The following DUSP4 variants were observed in gnomAD, a reference collection of about 807,000 sequenced individuals.
DUSP4 encodes the protein dual specificity protein phosphatase 4.
A neutral mutation model predicts 27.2 loss-of-function variants in DUSP4; 12 were observed. The ratio of observed to expected loss-of-function variants is 0.44; its 90% CI spans 0.28 to 0.71. The LOEUF is 0.71. Ranked by LOEUF, DUSP4 falls within the 30% of genes least tolerant of loss-of-function variation. The probability of loss-of-function intolerance (pLI) is 0.14; values close to 1 mark genes in which losing one functional copy is unlikely to be tolerated. For missense variants in DUSP4, 448 were observed against 551.3 expected (o/e 0.81, Z 1.88); for synonymous variants, 257 against 245.2 (o/e 1.05, Z -0.45).
rs1219344407 is a variant in DUSP4, at chr8:29,337,149, G to A, written c.1062C>T (p.Gly354=). The A allele has an allele frequency of 6.2e-7, 1 of 1,611,110 alleles. No homozygotes were observed. Among genetic ancestry groups the A allele is most frequent in the East Asian group, 2.2e-5 (1 of 44,814 alleles). ...ASPSGPLRER[G]KTPATPTSQF... ...GCGAGGTGGGGGTGGCGGGGGTCTT[G>A]CCCCGCTCCCGCAGGGGTCCCGAGG... Residue 354 remains glycine (G), a synonymous_variant, in exon 4 of 4, where the codon GGC becomes GGT. Coordinates refer to ENST00000240100, the MANE Select transcript of DUSP4 (RefSeq NM_001394.7). The surrounding 1 kb of genome is among the most constrained non-coding windows in gnomAD (Gnocchi z 6.4).
chr8:29,339,927 G>A (rs1817632699), intron 2 of DUSP4, among the ~76,000 whole-genome samples, 171 bp downstream of exon 2: 2 of 151,850 alleles, frequency 1.3e-5, no homozygotes, highest in African/African-American at 4.8e-5. Flanking sequence ...TTGAGCCCAG[G>A]AGTTCGAGGC....
intron 2 of DUSP4, among the ~76,000 whole-genome samples, chr8:29,339,835 C>CCA (rs1554634125): frequency 1.4e-5 from 2 of 139,356 alleles, no homozygotes; most frequent in African/African-American, 5.2e-5. Flanking sequence ...AAGACCCCCC[C>CCA]CCCCCATCTC....
At position 29,349,996 on chromosome 8, in the gene DUSP4, C is replaced by T. The variant is rs1342912000; in HGVS notation, c.283G>A (p.Ala95Thr). ...GAGTAGAGGCCGGAGCGCAAGCGGG[C>T]GCGTACCTCCTCCTCGGCGGGCAGG... ...QILPAEEEVR[A>T]RLRSGLYSAV... Residue 95 changes from alanine to threonine, a missense_variant, in exon 1 of 4, where the codon GCC (alanine) becomes ACC (threonine). Ala to Thr is a moderately conservative substitution (Grantham distance 58, BLOSUM62 0). Around this residue, in one of 3 missense-constraint regions of DUSP4, gnomAD observed 345 missense variants for 394.0 expected, o/e 0.88. Coordinates refer to ENST00000240100, the MANE Select transcript of DUSP4 (RefSeq NM_001394.7). 6.3e-7 allele frequency: 1 copy of T among 1,594,590 alleles called. No homozygotes were observed. Among genetic ancestry groups the T allele is most frequent in the East Asian group, 2.3e-5 (1 of 43,926 alleles).
chr8:29,338,620 G>A, intron 2 of DUSP4, 119 bp from the exon 3 acceptor site: 4 of 1,166,994 alleles, frequency 3.4e-6, no homozygotes, highest in Non-Finnish European at 4.8e-6. Context: ...ATGCCTGCTG[G>A]GCCTGGCCCT....
chr8:29,345,600 G>T, intron 1 of DUSP4: 1 of 1,495,302 alleles, frequency 6.7e-7, no homozygotes, highest in South Asian at 1.4e-5. Flanking sequence ...CAGATGTTCT[G>T]ATTTTTTTTC....
rs1218079452 is a variant in DUSP4 at position 29,350,021 on chromosome 8, G to A, written c.258C>T (p.Ile86=). Residue 86 remains isoleucine, a synonymous_variant, in exon 1 of 4, where the codon ATC becomes ATT. Transcript: ENST00000240100. ...CGCGTACCTCCTCCTCGGCGGGCAGGATCTGCTCCAGGCTCACGGAGCCCT... is the reference window on the plus strand; with the variant it reads ...CGCGTACCTCCTCCTCGGCGGGCAGAATCTGCTCCAGGCTCACGGAGCCCT... ...RAKGSVSLEQ[I]LPAEEEVRAR... is the part of the protein sequence containing the mutation. The A allele has an allele frequency of 1.3e-6, 2 of 1,595,272 alleles. No homozygotes were observed. Among genetic ancestry groups the A allele is most frequent in the Non-Finnish European group, 1.7e-6 (2 of 1,172,792 alleles).
chr8:29,343,573 G>A (rs889418941), intron 1 of DUSP4, among the ~76,000 whole-genome samples: 2 of 152,190 alleles, frequency 1.3e-5, no homozygotes, highest in Non-Finnish European at 2.9e-5. Context: ...GGCACTGCCT[G>A]CAGGTTTCAT....
intron 1 of DUSP4, among the ~76,000 whole-genome samples, chr8:29,340,525 G>T (rs1196441452): frequency 2.0e-5 from 3 of 152,222 alleles, no homozygotes; most frequent in Admixed American, 6.5e-5. Flanking sequence ...CGTGCAGGGG[G>T]ATGTGCAGAA....
chr8:29,337,416 G>A lies in DUSP4; in HGVS notation c.800-5C>T. 3 of 1,597,878 alleles carry A rather than the reference G, an allele frequency of 1.9e-6. No individual in the cohort carries two copies. The highest frequency in any genetic ancestry group is 2.6e-6 in the Non-Finnish European group (3 of 1,175,618). ...CACGGCAGTCCTTCACGGCATCTGG[G>A]GACAGGGTTCAATAGGTTAGTGCAC... On this transcript the variant is annotated splice_polypyrimidine_tract_variant and splice_region_variant and intron_variant, in intron 3 of 3. Coordinates refer to ENST00000240100, the MANE Select transcript of DUSP4 (RefSeq NM_001394.7). This position sits in a 1 kb window ranked among gnomAD's most constrained non-coding sequence, Gnocchi z 6.4.
intron 1 of DUSP4, 119 bp from the exon 2 acceptor site, chr8:29,340,362 T>C (rs1015911143): frequency 4.6e-6 from 6 of 1,300,472 alleles, no homozygotes; most frequent in South Asian, 1.6e-5. Flanking sequence ...GCGTGCTCCA[T>C]ATTGGCCACT....
In DUSP4 at chr8:29,350,111, G is replaced by T. The variant is rs746717104; in HGVS notation, c.168C>A (p.His56Gln). The change falls in exon 1 of 4, where the codon CAC becomes CAA. Residue 56 changes from histidine (H) to glutamine (Q), a missense_variant. This residue lies in a region of DUSP4 where 345 missense variants were observed against 394.0 expected (regional missense o/e 0.88). Coordinates refer to ENST00000240100, the MANE Select transcript of DUSP4 (RefSeq NM_001394.7). Reference protein sequence around the residue: ...LLLDCRPFLAHSAGYILGSVN... With the variant: ...LLLDCRPFLAQSAGYILGSVN... The stretch of plus-strand genomic sequence containing the variant: ...CCGAACCTAGGATGTAGCCCGCGCT[G>T]TGCGCCAGGAACGGTCTGCAGTCCA... The T allele has an allele frequency of 6.2e-7, 1 of 1,609,198 alleles. No homozygotes were observed. The highest frequency in any genetic ancestry group is 8.5e-7 in the Non-Finnish European group (1 of 1,179,090).
At chr8:29,339,979 G>C in intron 2 of DUSP4, 119 bp downstream of exon 2, 2 of 1,353,366 alleles carry the variant, frequency 1.5e-6, no homozygotes, top group East Asian at 2.5e-5. Context: ...CTGGGTGACA[G>C]AGCAAGACTG....
chr8:29,339,371 G>A (rs930617303), intron 2 of DUSP4, among the ~76,000 whole-genome samples: 1 of 152,176 alleles, frequency 6.6e-6, no homozygotes, highest in East Asian at 1.9e-4. Flanking sequence ...TTCTTGGAGG[G>A]AGGGTGGGTG....
rs542177995 is a variant in DUSP4 at position 29,337,264 on chromosome 8, A to G, written c.947T>C (p.Ile316Thr). ...AFEFVKQRRS[I>T]ISPNFSFMGQ... is the part of the protein sequence containing the mutation. ...CATGAAGCTGAAGTTGGGCGAGATG[A>G]TGCTGCGGCGCTGCTTAACGAACTC... Residue 316 changes from isoleucine to threonine, a missense_variant, in exon 4 of 4, where the codon ATC becomes ACC. Ile to Thr is a moderately conservative substitution (Grantham distance 89). Coordinates refer to ENST00000240100, the MANE Select transcript of DUSP4 (RefSeq NM_001394.7). This position sits in a 1 kb window ranked among gnomAD's most constrained non-coding sequence, Gnocchi z 6.4. The G allele has an allele frequency of 6.2e-7, 1 of 1,613,668 alleles. No individual in the cohort carries two copies. The highest frequency in any genetic ancestry group is 1.1e-5 in the South Asian group (1 of 91,072).
At position 29,350,445 on chromosome 8, in the gene DUSP4, T is replaced by C; in HGVS notation, c.-167A>G. The C allele has an allele frequency of 1.3e-6, 1 of 779,056 alleles. No individual in the cohort carries two copies. Among genetic ancestry groups the C allele is most frequent in the East Asian group, 2.9e-5 (1 of 34,184 alleles). 48.3% of individuals were successfully genotyped at this position (779,056 alleles called of 1,614,324 possible). ...GGAGAGCCTCTTCTTCCCTGTCCCC[T>C]TCCTCCCGCAGCCTCGCGGTCACAT... On this transcript the variant is annotated 5_prime_UTR_variant, in exon 1 of 4. Transcript: ENST00000240100.
Position 29,336,957 on chromosome 8 carries a change from T to A in DUSP4, c.*69A>T. 6.9e-7 allele frequency: 1 copy of A among 1,459,340 alleles called. No homozygotes were observed. The highest frequency in any genetic ancestry group is 9.0e-7 in the Non-Finnish European group (1 of 1,105,800). 90.4% of individuals were successfully genotyped at this position (1,459,340 alleles called of 1,614,324 possible). A position where few individuals can be genotyped will look rare whatever the true frequency, so the allele number is the denominator to read the frequency against. On this transcript the variant is annotated 3_prime_UTR_variant, in exon 4 of 4. Transcript: ENST00000240100. ...GCTCCCAGCTGCTCAGTCCCAACTT[T>A]CTGCCCGCATGCGGCCCGTCCTACC...
In DUSP4 at chr8:29,350,018, C is replaced by G; in HGVS notation, c.261G>C (p.Leu87=). 1 of 1,594,640 alleles carries G rather than the reference C, an allele frequency of 6.3e-7. No individual in the cohort carries two copies. The highest frequency in any genetic ancestry group is 1.1e-5 in the South Asian group (1 of 89,446). ...AKGSVSLEQI[L]PAEEEVRARL... ...GGGCGCGTACCTCCTCCTCGGCGGGCAGGATCTGCTCCAGGCTCACGGAGC... is the reference window on the plus strand; with the variant it reads ...GGGCGCGTACCTCCTCCTCGGCGGGGAGGATCTGCTCCAGGCTCACGGAGC... The change falls in exon 1 of 4, where the codon CTG becomes CTC. Residue 87 remains leucine, a synonymous_variant. Transcript: ENST00000240100.
At position 29,337,529 on chromosome 8, in the gene DUSP4, A is replaced by G. The variant is rs1817597397; in HGVS notation, c.800-118T>C. 2.1e-6 allele frequency: 3 copies of G among 1,398,024 alleles called. No individual in the cohort carries two copies. Among genetic ancestry groups the G allele is most frequent in the Non-Finnish European group, 2.9e-6 (3 of 1,051,044 alleles). 86.6% of individuals were successfully genotyped at this position (1,398,024 alleles called of 1,614,324 possible). A position where few individuals can be genotyped will look rare whatever the true frequency, so the allele number is the denominator to read the frequency against. On this transcript the variant is annotated intron_variant, in intron 3 of 3. Transcript: ENST00000240100. This position sits in a 1 kb window ranked among gnomAD's most constrained non-coding sequence, Gnocchi z 6.4. ...AAGGAAGGACTAGCCGTGCTAGACC[A>G]AGGACTGGAGAGGAAGAAAACCCAT...
At chr8:29,348,739 G>A in intron 1 of DUSP4, 1 of 985,668 alleles carries the variant, frequency 1.0e-6, no homozygotes, top group East Asian at 1.1e-4. Context: ...GGAAGGGAGG[G>A]AGGCGGCGAA....
Sources: gnomAD v4.1 joint callset for allele counts (sites outside exome capture counted in the v4.1 genomes callset) on GRCh38, gnomAD v4.1.1 for gene constraint, gnomAD v4.1.1 regional missense constraint, Gnocchi (gnomAD v3.1) non-coding constraint, MANE v1.5 for transcripts, NCBI Gene and HGNC (gene_info 2026-07-23, HGNC 2026-07-21) for gene names.